Variants in TRMT9B observed in about 807,000 individuals in gnomAD.
The protein encoded by TRMT9B is tRNA methyltransferase 9B (putative).
Under a neutral mutation model 11.5 loss-of-function variants are expected in TRMT9B, and 16 were observed. The observed-to-expected ratio is 1.39, with a 90% CI of 0.94 to 2.11. The LOEUF (loss-of-function observed/expected upper bound fraction) is 2.11, where lower values mean the gene tolerates loss of function less well. Ranked by LOEUF, TRMT9B falls within the 30% of genes most tolerant of loss-of-function variation. The pLI, the probability that TRMT9B is intolerant of heterozygous loss-of-function variation, is 0.00. For synonymous variants in TRMT9B, 274 were observed against 192.4 expected, an observed-to-expected ratio of 1.42 and a Z score of -3.51; for missense variants, 941 against 553.8, an observed-to-expected ratio of 1.70 and a Z score of -7.02.
chr8:12,966,695 C>A (rs2128866112), intron 1 of TRMT9B, among the ~76,000 whole-genome samples: 1 of 152,270 alleles, frequency 6.6e-6, no homozygotes, highest in African/African-American at 2.4e-5. Context: ...AGCATGAATA[C>A]CATCCAATGT....
chr8:13,021,089 T>C lies in TRMT9B; in HGVS notation c.410T>C (p.Leu137Pro). 1 of 1,609,218 alleles carries C rather than the reference T, an allele frequency of 6.2e-7. No homozygotes were observed. The highest frequency in any genetic ancestry group is 8.5e-7 in the Non-Finnish European group (1 of 1,177,294). ...MARVLVPGGQ[L>P]MIYVWAMEQK... is the part of the protein sequence containing the mutation. ...AGGGTCTTAGTTCCCGGAGGCCAACTGATGATTTACGTTTGGGCAATGGAA... is the reference window on the plus strand; with the variant it reads ...AGGGTCTTAGTTCCCGGAGGCCAACCGATGATTTACGTTTGGGCAATGGAA... Residue 137 changes from leucine to proline, a missense_variant, in exon 5 of 5, where the codon CTG becomes CCG. Transcript: ENST00000524591.
intron 3 of TRMT9B, chr8:13,012,101 G>C (rs1811716680): frequency 2.0e-6 from 2 of 985,232 alleles, no homozygotes; most frequent in African/African-American, 3.5e-5. Context: ...AACGTGCCTT[G>C]GTTGCGCCAG....
chr8:12,972,748 C>A (rs1156826887), intron 1 of TRMT9B, among the ~76,000 whole-genome samples: 1 of 152,174 alleles, frequency 6.6e-6, no homozygotes, highest in African/African-American at 2.4e-5. Flanking sequence ...CAATGACTCT[C>A]ATGTTCTGAA....
chr8:12,987,377 G>T (rs1806505051), intron 1 of TRMT9B, among the ~76,000 whole-genome samples: 1 of 152,166 alleles, frequency 6.6e-6, no homozygotes, highest in African/African-American at 2.4e-5. Context: ...CCCATTATAA[G>T]TTGAAAATAT....
chr8:12,957,953 C>T (rs758553337), intron 1 of TRMT9B, among the ~76,000 whole-genome samples: 2 of 152,174 alleles, frequency 1.3e-5, no homozygotes, highest in Non-Finnish European at 2.9e-5. Context: ...CCCCATCCCT[C>T]CTCCTCACAG....
At chr8:13,006,630 C>G in intron 3 of TRMT9B, 1 of 1,370,280 alleles carries the variant, frequency 7.3e-7, no homozygotes, top group Non-Finnish European at 9.4e-7. Context: ...TCGAGACAGT[C>G]AAGTCAGCAG....
chr8:13,016,354 A>G (rs1243051311), intron 4 of TRMT9B, among the ~76,000 whole-genome samples: 1 of 146,676 alleles, frequency 6.8e-6, no homozygotes, highest in East Asian at 2.0e-4. Flanking sequence ...TATGACATAT[A>G]TAAGGACCTA....
chr8:13,021,812 G>T lies in TRMT9B; in HGVS notation c.1133G>T (p.Arg378Met). The T allele has an allele frequency of 1.2e-6, 2 of 1,613,658 alleles. No individual in the cohort carries two copies. The highest frequency in any genetic ancestry group is 8.5e-7 in the Non-Finnish European group (1 of 1,179,734). Reference protein sequence around the residue: ...DNPSASKILRRISAVDSTDFN... With the variant: ...DNPSASKILRMISAVDSTDFN... ...CCTTCTGCTAGTAAAATATTGAGAA[G>T]GATTTCTGCAGTTGATTCCACAGAT... Residue 378 changes from arginine (R) to methionine (M), a missense_variant, in exon 5 of 5, where the codon AGG becomes ATG. Physicochemically the swap from Arg to Met is moderately conservative, Grantham distance 91. Transcript: ENST00000524591.
At chr8:13,006,756 C>A (rs1810556429) in intron 3 of TRMT9B, 4 of 778,102 alleles carry the variant, frequency 5.1e-6, no homozygotes, top group South Asian at 5.2e-5. Flanking sequence ...GCAAACTCCG[C>A]CTCCCAGGTT....
intron 1 of TRMT9B, among the ~76,000 whole-genome samples, chr8:12,946,664 TC>T (rs1419837724): frequency 1.3e-5 from 2 of 152,208 alleles, no homozygotes; most frequent in Non-Finnish European, 2.9e-5. Context: ...ACAGCGTTTT[TC>T]CTTGCAGTTA....
chr8:13,017,614 C>CTTT (rs34715221), intron 4 of TRMT9B, among the ~76,000 whole-genome samples: 6,734 of 117,470 alleles, frequency 0.057, 698 homozygotes, highest in African/African-American at 0.13. Context: ...CATTTGTAGG[C>CTTT]TTTTTTTTTT....
At chr8:13,001,519 A>G (rs1372061418) in intron 2 of TRMT9B, among the ~76,000 whole-genome samples, 2 of 152,232 alleles carry the variant, frequency 1.3e-5, no homozygotes, top group African/African-American at 4.8e-5. Context: ...TACATGAATG[A>G]AAAAGGATGA....
chr8:12,969,831 C>G (rs1423956252), intron 1 of TRMT9B, among the ~76,000 whole-genome samples: 2 of 151,198 alleles, frequency 1.3e-5, no homozygotes, highest in African/African-American at 4.9e-5. Context: ...ACCACCACAC[C>G]CAGCTAATGT....
chr8:13,022,205 T>A lies in TRMT9B; in HGVS notation c.*161T>A. On this transcript the variant is annotated 3_prime_UTR_variant, in exon 5 of 5. Transcript: ENST00000524591. ...TGGTTGTTTTGTTTTCATTTTTGAA[T>A]AAGCACAGATTCTGGCATTGAAAGC... 1.8e-6 allele frequency: 1 copy of A among 565,402 alleles called. No homozygotes were observed. The highest frequency in any genetic ancestry group is 3.1e-6 in the Non-Finnish European group (1 of 320,666). 35.0% of individuals were successfully genotyped at this position (565,402 alleles called of 1,614,324 possible).
At chr8:12,959,751 A>T (rs908205447) in intron 1 of TRMT9B, among the ~76,000 whole-genome samples, 3 of 150,636 alleles carry the variant, frequency 2.0e-5, no homozygotes, top group African/African-American at 7.3e-5. Flanking sequence ...CTGGTCTTGA[A>T]CTCCTAGGCT....
chr8:13,022,001 G>A lies in TRMT9B; in HGVS notation c.1322G>A (p.Gly441Asp). The A allele has an allele frequency of 1.2e-6, 2 of 1,611,080 alleles. No individual in the cohort carries two copies. The highest frequency in any genetic ancestry group is 8.5e-7 in the Non-Finnish European group (1 of 1,178,866). The change falls in exon 5 of 5, where the codon GGT (glycine) becomes GAT (aspartate). Residue 441 changes from glycine to aspartate, a missense_variant. Physicochemically the swap from Gly to Asp is moderately conservative, Grantham distance 94 (BLOSUM62 -1). Coordinates refer to ENST00000524591, the MANE Select transcript of TRMT9B (RefSeq NM_020844.3). ...ATCCTGAGTTCTGGGAATGATCATG[G>A]TAACTGGTGTATCATTGCAGAGAAA... is the stretch of plus-strand genomic sequence containing the variant. ...LRILSSGNDH[G>D]NWCIIAEKKR...
At chr8:13,003,983 C>T (rs1375903369) in intron 2 of TRMT9B, among the ~76,000 whole-genome samples, 1 of 151,776 alleles carries the variant, frequency 6.6e-6, no homozygotes, top group Non-Finnish European at 1.5e-5. Context: ...CAGAGAGAAT[C>T]TGTGCTTAGG....
Position 13,023,598 on chromosome 8 carries a change from A to G in TRMT9B, c.*1554A>G, listed in dbSNP as rs1814282805. On this transcript the variant is annotated 3_prime_UTR_variant, in exon 5 of 5. Coordinates refer to ENST00000524591, the MANE Select transcript of TRMT9B (RefSeq NM_020844.3). ...ACAGGTCTAGAGACAGGAGAAGCAG[A>G]AATAAGTTGACCCAGGAGTACAGTC... The G allele has an allele frequency of 2.4e-5, 4 of 167,096 alleles. No homozygotes were observed. The Admixed American group carries it at 2.6e-4, about 11-fold the overall frequency. 10.4% of individuals were successfully genotyped at this position (167,096 alleles called of 1,614,324 possible).
At chr8:13,008,830 G>A (rs1174412250) in intron 3 of TRMT9B, among the ~76,000 whole-genome samples, 3 of 152,094 alleles carry the variant, frequency 2.0e-5, no homozygotes, top group Non-Finnish European at 2.9e-5. Context: ...CCGGGTTCAC[G>A]CCATTCTCCT....
Sources: gnomAD v4.1 joint callset for allele counts (sites outside exome capture counted in the v4.1 genomes callset) on GRCh38, gnomAD v4.1.1 for gene constraint, MANE v1.5 for transcripts, NCBI Gene and HGNC (gene_info 2026-07-23, HGNC 2026-07-21) for gene names.